The following TRPM5 variants were observed in gnomAD, a reference collection of about 807,000 sequenced individuals.
The protein encoded by TRPM5 is MLSN1 and TRP-related.
A neutral mutation model predicts 124.9 loss-of-function variants in TRPM5; 121 were observed. The ratio of observed to expected loss-of-function variants is 0.97; its 90% confidence interval spans 0.84 to 1.13. The LOEUF (loss-of-function observed/expected upper bound fraction) is 1.13. Among genes scored for constraint, TRPM5 ranks in the 50% most tolerant of loss-of-function variants. TRPM5 has a pLI of 0.00. For synonymous variants in TRPM5, 781 were observed against 700.5 expected (o/e 1.11, Z -1.81); for missense variants, 1,643 against 1,589.1 (o/e 1.03, Z -0.58).
chr11:2,410,479 G>A (rs941842293), intron 18 of TRPM5, among the ~76,000 whole-genome samples: 3 of 152,158 alleles, frequency 2.0e-5, no homozygotes, highest in Admixed American at 6.5e-5. Flanking sequence ...GGCACCCCTC[G>A]AGGGCCCCAG....
intron 12 of TRPM5, 52 bp downstream of exon 17, chr11:2,414,009 G>GGGGCGCGCCCCCCCC: frequency 9.8e-7 from 1 of 1,023,734 alleles, no homozygotes; most frequent in Non-Finnish European, 1.4e-6. Flanking sequence ...GGCCCAGCTC[G>GGGGCGCGCCCCCCCC]CCCGCCCACC....
At chr11:2,406,790 C>G in exon 21 of TRPM5, 1 of 1,610,824 alleles carries the variant, frequency 6.2e-7, no homozygotes, top group African/African-American at 1.3e-5. Flanking sequence ...TGGCAGGTCT[C>G]TCTCTGGGAA....
chr11:2,414,011 CCG>C, intron 12 of TRPM5, 48 bp downstream of exon 17: 2 of 482,226 alleles, frequency 4.1e-6, no homozygotes, highest in African/African-American at 2.1e-5. Flanking sequence ...CCCAGCTCGC[CCG>C]CCCACCCCAC....
chr11:2,436,991 C>T, the TRPM5 span, among the ~76,000 whole-genome samples: 3 of 152,230 alleles, frequency 2.0e-5, no homozygotes, highest in Admixed American at 6.5e-5. Flanking sequence ...GGGAGGGCCC[C>T]GCCACCAGCC....
chr11:2,423,881 C>T (rs1449372045), upstream of TRPM5, among the ~76,000 whole-genome samples: 2 of 152,252 alleles, frequency 1.3e-5, no homozygotes, highest in African/African-American at 2.4e-5. Flanking sequence ...AGCTGCCCAG[C>T]CCCAGCCTGG....
chr11:2,420,984 C>T, intron 3 of TRPM5, 48 bp downstream of exon 8: 1 of 1,498,628 alleles, frequency 6.7e-7, no homozygotes, highest in Non-Finnish European at 8.9e-7. Context: ...TTCTGAGCCC[C>T]TGCCTCCAGG....
At chr11:2,407,569 C>T (rs1166280469) in intron 19 of TRPM5, among the ~76,000 whole-genome samples, 190 bp downstream of exon 24, 1 of 152,224 alleles carries the variant, frequency 6.6e-6, no homozygotes, top group Non-Finnish European at 1.5e-5. Context: ...GGGAGGGTGG[C>T]CCACAGAGTT....
chr11:2,422,204 C>T (rs572787674), exon 2 of TRPM5: 14 of 1,612,386 alleles, frequency 8.7e-6, no homozygotes, highest in Middle Eastern at 1.7e-4. Flanking sequence ...GACTTCATGG[C>T]GAAAGGCTGC....
In TRPM5 at chr11:2,418,340, C is replaced by T. The variant is rs375284456; in HGVS notation, c.733G>A (p.Glu245Lys). ...AGGATCAGCCACGGGGCAGCCTGCT[C>T]CACGGCCCTGGAGATCCTCTGAGAC... Residue 245 changes from glutamate to lysine, a missense_variant, in exon 6 of 24, where the codon GAG (glutamate) becomes AAG (lysine). Transcript: ENST00000155858. 8 of 1,559,002 alleles carry T rather than the reference C, an allele frequency of 5.1e-6. No individual in the cohort carries two copies. In the Admixed American group the frequency reaches 1.1e-4, roughly 22 times the overall value.
chr11:2,410,761 C>T lies in TRPM5; in HGVS notation c.2782+591G>A, dbSNP rs191823531. 1,236 of 440,698 alleles carry T rather than the reference C, an allele frequency of 2.8e-3. 5 individuals are homozygous for T. Among genetic ancestry groups the T allele is most frequent in the Non-Finnish European group, 4.8e-3 (1,056 of 220,078 alleles). 27.3% of individuals were successfully genotyped at this position (440,698 alleles called of 1,614,324 possible). A position where few individuals can be genotyped will look rare whatever the true frequency, so the allele number is the denominator to read the frequency against. The stretch of plus-strand genomic sequence containing the variant: ...GCCTGGGGACACCCATAGGCATGGG[C>T]AGGCCACACACACACATTGGGGTGG... On this transcript the variant is annotated intron_variant, in intron 18 of 23. Coordinates refer to ENST00000155858, the Ensembl canonical transcript of TRPM5.
chr11:2,432,462 C>G, the TRPM5 span, among the ~76,000 whole-genome samples: 1 of 152,218 alleles, frequency 6.6e-6, no homozygotes, highest in Non-Finnish European at 1.5e-5. Context: ...TGCAGAGGCT[C>G]AGCTCTCTCC....
exon 11 of TRPM5, chr11:2,414,745 G>T (rs374622020): frequency 1.1e-5 from 17 of 1,546,410 alleles, no homozygotes; most frequent in Non-Finnish European, 1.1e-5. Context: ...TTCGCCTCGC[G>T]CGTGGCTCGG....
At chr11:2,411,361 C>T (rs370664808) in exon 18 of TRPM5, 8 of 1,601,086 alleles carry the variant, frequency 5.0e-6, no homozygotes, top group South Asian at 1.1e-5. Flanking sequence ...CCATCAATCT[C>T]GTCCAGTGGG....
downstream of TRPM5, chr11:2,404,443 T>C (rs1850272376): frequency 6.5e-6 from 1 of 154,478 alleles, no homozygotes; most frequent in South Asian, 2.0e-4. Flanking sequence ...CAGCCCTGTC[T>C]TCCAGGAGCC....
intron 18 of TRPM5, chr11:2,410,634 C>A (rs1203414729): frequency 2.2e-6 from 1 of 449,126 alleles, no homozygotes; most frequent in Non-Finnish European, 4.5e-6. Context: ...ACTACAGAGG[C>A]CCCCATGGCC....
chr11:2,412,646 T>C (rs1230546902), intron 15 of TRPM5, 108 bp downstream of exon 20: 2 of 1,241,342 alleles, frequency 1.6e-6, no homozygotes, highest in East Asian at 5.1e-5. Context: ...CCCATGCTGT[T>C]CTTGTTTTAC....
chr11:2,423,129 C>T, upstream of TRPM5: 1 of 1,063,864 alleles, frequency 9.4e-7, no homozygotes, highest in Non-Finnish European at 1.4e-6. Flanking sequence ...GCTCTGCTTT[C>T]CCCTGGGAAG....
intron 12 of TRPM5, 52 bp downstream of exon 17, chr11:2,414,009 G>GGGGGCGCCCCCCCCCCCCCCCCCC: frequency 2.0e-6 from 2 of 1,023,732 alleles, no homozygotes; most frequent in Non-Finnish European, 1.4e-6. Context: ...GGCCCAGCTC[G>GGGGGCGCCCCCCCCCCCCCCCCCC]CCCGCCCACC....
At chr11:2,437,731 A>G in the TRPM5 span, among the ~76,000 whole-genome samples, 1 of 152,150 alleles carries the variant, frequency 6.6e-6, no homozygotes, top group African/African-American at 2.4e-5. This position sits in a 1 kb window ranked among gnomAD's most constrained non-coding sequence, Gnocchi z 5.6. Context: ...CTGGGTCTGC[A>G]TTAGAGGCTG....
Sources: allele counts gnomAD v4.1 joint callset (sites outside exome capture counted in the v4.1 genomes callset), GRCh38; gene constraint gnomAD v4.1.1; non-coding constraint Gnocchi (gnomAD v3.1); transcripts MANE v1.5; gene names NCBI Gene and HGNC (gene_info 2026-07-23, HGNC 2026-07-21).